TFPI: variants seen among roughly 807,000 people sequenced by gnomAD.
The protein encoded by TFPI is anti-convertin.
TFPI carries 15 observed loss-of-function variants against 34.6 expected under a neutral mutation model. The ratio of observed to expected loss-of-function variants is 0.43; its 90% CI spans 0.29 to 0.67. The LOEUF is 0.67. Ranked by LOEUF, TFPI falls within the 30% of genes least tolerant of loss-of-function variation. TFPI has a pLI of 0.15. For synonymous variants in TFPI, 105 were observed against 120.1 expected, an observed-to-expected ratio of 0.87 and a Z score of 0.82; for missense variants, 301 against 364.0, an observed-to-expected ratio of 0.83 and a Z score of 1.41.
intron 1 of TFPI, among the ~76,000 whole-genome samples, chr2:187,509,221 CA>C (rs1368823999): frequency 2.6e-5 from 4 of 152,182 alleles, no homozygotes; most frequent in Non-Finnish European, 5.9e-5. Context: ...AGGATTTTCA[CA>C]TTAATGTTCA....
Position 187,542,791 on chromosome 2 carries a change from C to T in TFPI, c.-3+11409G>A, listed in dbSNP as rs138094456. ...CTGAGGCAGGAGAATTGCTTGAACCCGGGAGATGGAGGCTGCAGTGAGCTG... is the reference window on the plus strand; with the variant it reads ...CTGAGGCAGGAGAATTGCTTGAACCTGGGAGATGGAGGCTGCAGTGAGCTG... On this transcript the variant is annotated intron_variant, in intron 1 of 7. Coordinates refer to ENST00000233156, the MANE Select transcript of TFPI (RefSeq NM_006287.6). 9.9e-3 allele frequency among the ~76,000 whole-genome samples: 1,458 copies of T among 147,742 alleles called. 13 individuals carry two copies. Among genetic ancestry groups the T allele is most frequent in the Non-Finnish European group, 0.015 (979 of 67,416 alleles).
chr2:187,467,142 A>G, intron 7 of TFPI, 100 bp from the exon 8 acceptor site: 1 of 775,742 alleles, frequency 1.3e-6, no homozygotes, highest in Non-Finnish European at 2.0e-6. Context: ...TTAAATCCAA[A>G]AGATGTTATT....
At chr2:187,530,055 T>C (rs1323574271) in intron 1 of TFPI, among the ~76,000 whole-genome samples, 1 of 152,204 alleles carries the variant, frequency 6.6e-6, no homozygotes, top group Non-Finnish European at 1.5e-5. Flanking sequence ...TCTGTAAGTG[T>C]TCTCCAATGA....
chr2:187,504,557 G>A (rs1293931577), intron 1 of TFPI, among the ~76,000 whole-genome samples: 1 of 138,906 alleles, frequency 7.2e-6, no homozygotes, highest in Admixed American at 7.2e-5. Context: ...AAGATCTATC[G>A]CCAAAAAGGA....
chr2:187,500,821 C>T (rs1685799482), intron 2 of TFPI, among the ~76,000 whole-genome samples: 1 of 152,076 alleles, frequency 6.6e-6, no homozygotes, highest in Non-Finnish European at 1.5e-5. Context: ...GCCACTTCAC[C>T]CAAAAGGGAT....
At chr2:187,475,016 G>C (rs1045513927) in intron 6 of TFPI, among the ~76,000 whole-genome samples, 1 of 152,058 alleles carries the variant, frequency 6.6e-6, no homozygotes, top group African/African-American at 2.4e-5. Context: ...CTGTTCTCCC[G>C]TAACCCTTGT....
chr2:187,496,744 CTA>C, intron 3 of TFPI, 135 bp downstream of exon 3: 1 of 805,326 alleles, frequency 1.2e-6, no homozygotes, highest in South Asian at 2.0e-5. Context: ...CCCTGAAAGT[CTA>C]AAAATGTGGA....
At chr2:187,516,679 T>C (rs966773496) in intron 1 of TFPI, 4 of 151,996 alleles carry the variant, frequency 2.6e-5, no homozygotes, top group Non-Finnish European at 5.9e-5. Context: ...AAGGAAAAAG[T>C]AAAAACTAAA....
At chr2:187,527,967 A>G (rs1687763603) in intron 1 of TFPI, among the ~76,000 whole-genome samples, 1 of 152,096 alleles carries the variant, frequency 6.6e-6, no homozygotes, top group Non-Finnish European at 1.5e-5. Context: ...CATCCTGAAA[A>G]ATAAACAAAA....
At chr2:187,497,190 A>C in intron 2 of TFPI, 112 bp from the exon 3 acceptor site, 1 of 951,676 alleles carries the variant, frequency 1.1e-6, no homozygotes, top group East Asian at 2.7e-5. Context: ...AATAAAACAT[A>C]CTAAGAAACT....
At chr2:187,540,119 TCTGAAA>T (rs1259316715) in intron 1 of TFPI, among the ~76,000 whole-genome samples, 1 of 152,078 alleles carries the variant, frequency 6.6e-6, no homozygotes, top group Admixed American at 6.6e-5. Context: ...CCCAGGCTGG[TCTGAAA>T]CTCCTGAGCT....
intron 1 of TFPI, among the ~76,000 whole-genome samples, chr2:187,533,551 C>G (rs980912847): frequency 6.6e-6 from 1 of 152,152 alleles, no homozygotes; most frequent in Non-Finnish European, 1.5e-5. Flanking sequence ...CACAGAAACC[C>G]CACACAAACG....
chr2:187,479,470 A>G (rs574959454), intron 6 of TFPI, among the ~76,000 whole-genome samples: 5 of 145,348 alleles, frequency 3.4e-5, no homozygotes, highest in African/African-American at 1.0e-4. Flanking sequence ...TTATTTATCT[A>G]TTTGTCTCAT....
At chr2:187,537,982 A>G (rs1688358530) in intron 1 of TFPI, among the ~76,000 whole-genome samples, 2 of 152,254 alleles carry the variant, frequency 1.3e-5, no homozygotes, top group Admixed American at 1.3e-4. Context: ...ACATATGAAT[A>G]AAAGCTCATT....
intron 1 of TFPI, among the ~76,000 whole-genome samples, chr2:187,529,838 T>G (rs1687869441): frequency 6.6e-6 from 1 of 152,228 alleles, no homozygotes; most frequent in African/African-American, 2.4e-5. Flanking sequence ...CACATAGCTA[T>G]AGACTTTGAT....
intron 4 of TFPI, 21 bp from the exon 5 acceptor site, chr2:187,485,008 A>G: frequency 6.8e-7 from 1 of 1,471,400 alleles, no homozygotes; most frequent in Non-Finnish European, 9.0e-7. Flanking sequence ...TAAAAATGTC[A>G]GAAAGCAATA....
intron 6 of TFPI, among the ~76,000 whole-genome samples, chr2:187,480,220 A>C (rs1387930638): frequency 1.3e-5 from 2 of 152,062 alleles, no homozygotes; most frequent in African/African-American, 4.8e-5. Context: ...TGAAATATAA[A>C]TTTCTTCTGC....
chr2:187,492,551 G>T (rs1685187556), intron 3 of TFPI, among the ~76,000 whole-genome samples: 1 of 152,150 alleles, frequency 6.6e-6, no homozygotes, highest in African/African-American at 2.4e-5. Context: ...CAGGAGGGAG[G>T]CTGTACCCTG....
At chr2:187,503,322 G>C (rs1685973714) in intron 2 of TFPI, among the ~76,000 whole-genome samples, 1 of 151,928 alleles carries the variant, frequency 6.6e-6, no homozygotes, top group African/African-American at 2.4e-5. Flanking sequence ...AATGTCATAG[G>C]GAGTTGTTTT....
Sources: allele counts gnomAD v4.1 joint callset (sites outside exome capture counted in the v4.1 genomes callset), GRCh38; gene constraint gnomAD v4.1.1; transcripts MANE v1.5; gene names NCBI Gene and HGNC (gene_info 2026-07-23, HGNC 2026-07-21).